The following STK40 variants were observed in gnomAD, a reference collection of about 807,000 sequenced individuals.
The protein encoded by STK40 is serine/threonine-protein kinase 40.
A neutral mutation model predicts 47.9 loss-of-function variants in STK40; 13 were observed. That is an observed-to-expected ratio of 0.27 (90% CI 0.18 to 0.43). The LOEUF (loss-of-function observed/expected upper bound fraction) is 0.43. Among genes scored for constraint, STK40 ranks in the 20% least tolerant of loss-of-function variants. The pLI is 1.00. For missense variants in STK40, 460 were observed against 595.1 expected, an observed-to-expected ratio of 0.77 and a Z score of 2.36; for synonymous variants, 225 against 243.2, an observed-to-expected ratio of 0.93 and a Z score of 0.69.
intron 7 of STK40, among the ~76,000 whole-genome samples, chr1:36,347,536 T>C (rs1216395640): frequency 6.6e-6 from 1 of 152,112 alleles, no homozygotes; most frequent in African/African-American, 2.4e-5. Flanking sequence ...GGACTTAAGA[T>C]AGATATTGGC....
At chr1:36,365,194 T>TG (rs1490003706) in intron 1 of STK40, among the ~76,000 whole-genome samples, 1 of 152,200 alleles carries the variant, frequency 6.6e-6, no homozygotes, top group Admixed American at 6.5e-5. Flanking sequence ...TCTTCCATGT[T>TG]GGTCAGGCTG....
At chr1:36,368,485 A>G (rs1168618134) in intron 1 of STK40, among the ~76,000 whole-genome samples, 3 of 152,128 alleles carry the variant, frequency 2.0e-5, no homozygotes, top group Admixed American at 6.5e-5. Flanking sequence ...CTCCTGGGCT[A>G]AAGTGATCCT....
Position 36,361,347 on chromosome 1 carries a change from A to G in STK40, c.-8-7T>C. ...CTCCGCTTCATTCTCAGCTCTAGACAAGACAGAAAGACCCCTTCTCACTGA... is the reference window on the plus strand; with the variant it reads ...CTCCGCTTCATTCTCAGCTCTAGACGAGACAGAAAGACCCCTTCTCACTGA... On this transcript the variant is annotated splice_region_variant and splice_polypyrimidine_tract_variant and intron_variant, in intron 1 of 10. Coordinates refer to ENST00000373132, the MANE Select transcript of STK40 (RefSeq NM_001282547.2). 6.2e-7 allele frequency: 1 copy of G among 1,613,988 alleles called. No homozygotes were observed. Among genetic ancestry groups the G allele is most frequent in the Non-Finnish European group, 8.5e-7 (1 of 1,180,002 alleles).
chr1:36,384,276 C>T (rs2002808), intron 1 of STK40, among the ~76,000 whole-genome samples: 14,351 of 152,204 alleles, frequency 0.094, 797 homozygotes, highest in Middle Eastern at 0.23. Flanking sequence ...GTGATCCGCC[C>T]GCCTCGGCTT....
rs1305240908 is a variant in STK40 at position 36,341,881 on chromosome 1, G to A, written c.1182C>T (p.Asp394=). The A allele has an allele frequency of 4.3e-6, 7 of 1,613,906 alleles. No homozygotes were observed. Among genetic ancestry groups the A allele is most frequent in the African/African-American group, 4.0e-5 (3 of 74,948 alleles). Residue 394 remains aspartate, a synonymous_variant, in exon 11 of 11, where the codon GAC becomes GAT. Transcript: ENST00000373132. ...GCCGCTTGGGTACCCAGCTCCGGGCGTCATGGATGGAGCTCTTCTCCTCGG... is the reference window on the plus strand; with the variant it reads ...GCCGCTTGGGTACCCAGCTCCGGGCATCATGGATGGAGCTCTTCTCCTCGG... ...LLAEEKSSIH[D]ARSWVPKRQF...
rs561565452 is a variant in STK40, at chr1:36,371,446, C to T, written c.-8-10106G>A. On this transcript the variant is annotated intron_variant, in intron 1 of 10. Coordinates refer to ENST00000373132, the MANE Select transcript of STK40 (RefSeq NM_001282547.2). ...GTGGGCGCCTGTAGTGCCAGCTACT[C>T]GGGAGGCTGAGGCAGGAGAATGGCG... Among the ~76,000 whole-genome samples the T allele has an allele frequency of 3.0e-3, 445 of 150,542 alleles. 2 individuals are homozygous for T. Among genetic ancestry groups the T allele is most frequent in the African/African-American group, 0.01 (414 of 41,144 alleles).
chr1:36,381,752 G>T (rs1167245938), intron 1 of STK40, among the ~76,000 whole-genome samples: 2 of 152,098 alleles, frequency 1.3e-5, no homozygotes, highest in African/African-American at 4.8e-5. Flanking sequence ...GCCTCCCAAA[G>T]TGTTGGGATT....
chr1:36,381,548 A>G (rs1192959309), intron 1 of STK40, among the ~76,000 whole-genome samples: 2 of 152,068 alleles, frequency 1.3e-5, no homozygotes, highest in Non-Finnish European at 2.9e-5. Context: ...TGGTGTGATT[A>G]CAGCTTACTG....
intron 4 of STK40, among the ~76,000 whole-genome samples, chr1:36,357,803 G>T (rs1646817913): frequency 6.6e-6 from 1 of 152,146 alleles, no homozygotes; most frequent in Non-Finnish European, 1.5e-5. Context: ...TTTTAGTGGA[G>T]ACGGGGTTTC....
chr1:36,345,617 G>A (rs1397836669), intron 7 of STK40, among the ~76,000 whole-genome samples: 1 of 152,170 alleles, frequency 6.6e-6, no homozygotes, highest in Admixed American at 6.5e-5. Flanking sequence ...CCTAGAACTT[G>A]CTCCACCAAG....
At chr1:36,345,265 A>G (rs1646689722) in intron 7 of STK40, among the ~76,000 whole-genome samples, 1 of 152,174 alleles carries the variant, frequency 6.6e-6, no homozygotes, top group Admixed American at 6.5e-5. Flanking sequence ...CAGGCACCCT[A>G]GCGTCACCTC....
chr1:36,360,841 C>A (rs1646846048), intron 2 of STK40, among the ~76,000 whole-genome samples: 1 of 152,168 alleles, frequency 6.6e-6, no homozygotes, highest in Admixed American at 6.5e-5. Flanking sequence ...TTGCACCTGG[C>A]CAGAGCTTGG....
chr1:36,347,844 G>C (rs1013295959), intron 7 of STK40, among the ~76,000 whole-genome samples: 2 of 152,026 alleles, frequency 1.3e-5, no homozygotes, highest in Admixed American at 1.3e-4. Context: ...GTAGAGACAG[G>C]GTTTCACCAT....
chr1:36,349,259 C>T (rs1295818265), intron 6 of STK40, among the ~76,000 whole-genome samples: 2 of 152,234 alleles, frequency 1.3e-5, no homozygotes, highest in African/African-American at 2.4e-5. Context: ...GTGACTCCAC[C>T]TTGGAAGGTG....
chr1:36,349,802 G>A (rs540791536), intron 6 of STK40, among the ~76,000 whole-genome samples: 1 of 152,266 alleles, frequency 6.6e-6, no homozygotes, highest in East Asian at 1.9e-4. Context: ...TAAGAGGCCT[G>A]GGAAAGGTTT....
At chr1:36,380,836 C>T (rs1362718605) in intron 1 of STK40, among the ~76,000 whole-genome samples, 2 of 152,178 alleles carry the variant, frequency 1.3e-5, no homozygotes, top group African/African-American at 4.8e-5. Context: ...GAAGCCTGGC[C>T]CAAGTCCAGA....
chr1:36,366,042 C>T (rs1646898852), intron 1 of STK40: 1 of 152,226 alleles, frequency 6.6e-6, no homozygotes, highest in South Asian at 2.1e-4. Context: ...CCCACTGCCT[C>T]CAATAGTAAG....
chr1:36,358,221 A>C lies in STK40; in HGVS notation c.342+18T>G. 6.4e-7 allele frequency: 1 copy of C among 1,569,730 alleles called. No homozygotes were observed. Among genetic ancestry groups the C allele is most frequent in the South Asian group, 1.1e-5 (1 of 88,156 alleles). On this transcript the variant is annotated intron_variant, in intron 4 of 10. Transcript: ENST00000373132. ...CAGCCAGAGGTGAGCGCGAAGGGTG[A>C]GGGGGAAGGCCGCTCACCTGGAAGA...
At chr1:36,344,357 C>T (rs1312310547) in intron 7 of STK40, 93 bp from the exon 8 acceptor site, 2 of 1,471,538 alleles carry the variant, frequency 1.4e-6, no homozygotes, top group Admixed American at 2.3e-5. Context: ...CACCTGCCAC[C>T]CTCACTTCCA....
Sources: gnomAD v4.1 joint callset for allele counts (sites outside exome capture counted in the v4.1 genomes callset) on GRCh38, gnomAD v4.1.1 for gene constraint, MANE v1.5 for transcripts, NCBI Gene and HGNC (gene_info 2026-07-23, HGNC 2026-07-21) for gene names.